The following PLA2G4E variants were observed in gnomAD, a reference collection of about 807,000 sequenced individuals.
PLA2G4E encodes the protein phospholipase A2 group IVE.
Under a neutral mutation model 109.1 loss-of-function variants are expected in PLA2G4E, and 84 were observed. The ratio of observed to expected loss-of-function variants is 0.77; its 90% confidence interval spans 0.65 to 0.92. The LOEUF (loss-of-function observed/expected upper bound fraction) is 0.92. PLA2G4E is among the 40% of genes least tolerant of loss of function. PLA2G4E has a pLI of 0.00. For synonymous variants in PLA2G4E, 469 were observed against 436.1 expected (o/e 1.08, Z -0.94); for missense variants, 1,057 against 1,076.6 (o/e 0.98, Z 0.25).
At chr15:42,007,992 G>T in intron 2 of PLA2G4E, 127 bp from the exon 3 acceptor site, 3 of 1,066,376 alleles carry the variant, frequency 2.8e-6, no homozygotes, top group Non-Finnish European at 1.3e-6. Context: ...CCTCATTCAT[G>T]GGTCTAACTT....
intron 1 of PLA2G4E, among the ~76,000 whole-genome samples, chr15:42,041,585 C>T (rs959137745): frequency 1.3e-5 from 2 of 152,124 alleles, no homozygotes; most frequent in Admixed American, 6.6e-5. Flanking sequence ...CCAGGAGACC[C>T]ATTGAAGTCA....
At chr15:41,995,404 G>A (rs541307711) in exon 12 of PLA2G4E, 2 of 1,613,712 alleles carry the variant, frequency 1.2e-6, no homozygotes, top group East Asian at 2.2e-5. Context: ...CACAGTCCAG[G>A]AGGTTCAGCT....
intron 1 of PLA2G4E, among the ~76,000 whole-genome samples, chr15:42,023,231 G>A (rs184541369): frequency 6.6e-6 from 1 of 151,908 alleles, no homozygotes; most frequent in African/African-American, 2.4e-5. Flanking sequence ...AGGCCCCTCT[G>A]CTCTCTGGAG....
At chr15:42,049,432 T>A (rs928995028) in intron 1 of PLA2G4E, among the ~76,000 whole-genome samples, 3 of 152,164 alleles carry the variant, frequency 2.0e-5, no homozygotes, top group African/African-American at 7.2e-5. Context: ...ACTGTTGCAT[T>A]GGGGATTAAG....
chr15:42,030,672 G>A (rs1889097464), intron 1 of PLA2G4E, among the ~76,000 whole-genome samples: 1 of 152,224 alleles, frequency 6.6e-6, no homozygotes, highest in African/African-American at 2.4e-5. Flanking sequence ...ACAGAGTCCT[G>A]CTCCATCTGT....
At chr15:41,987,926 C>T (rs539898399) in intron 16 of PLA2G4E, 123 bp downstream of exon 16, 172 of 581,186 alleles carry the variant, frequency 3.0e-4, no homozygotes, top group African/African-American at 2.5e-3. Flanking sequence ...GAGGGAAAGC[C>T]GGGGGCCGCC....
intron 5 of PLA2G4E, among the ~76,000 whole-genome samples, chr15:42,003,277 GAGA>G (rs2068439720): frequency 6.6e-6 from 1 of 152,170 alleles, no homozygotes; most frequent in South Asian, 2.1e-4. Context: ...TGTTGTTGTT[GAGA>G]AGGAGTCTCG....
intron 7 of PLA2G4E, 146 bp downstream of exon 7, chr15:42,001,011 G>A: frequency 1.3e-6 from 1 of 763,226 alleles, no homozygotes; most frequent in Non-Finnish European, 2.2e-6. Flanking sequence ...GACCCCTGGG[G>A]GTGAGATGAT....
intron 1 of PLA2G4E, among the ~76,000 whole-genome samples, 122 bp from the exon 1 acceptor site, chr15:42,021,164 A>T (rs1443708460): frequency 6.6e-6 from 1 of 151,824 alleles, no homozygotes; most frequent in African/African-American, 2.4e-5. Context: ...GATAGGGTGC[A>T]TGGGCCTAGA....
intron 1 of PLA2G4E, among the ~76,000 whole-genome samples, chr15:42,014,428 C>T (rs906141088): frequency 3.3e-5 from 5 of 152,132 alleles, no homozygotes; most frequent in African/African-American, 4.8e-5. Context: ...GGTGTTCTCC[C>T]TCTCCTTTCT....
At chr15:42,007,021 TA>T (rs2068483810) in intron 3 of PLA2G4E, among the ~76,000 whole-genome samples, 1 of 152,186 alleles carries the variant, frequency 6.6e-6, no homozygotes, top group Non-Finnish European at 1.5e-5. Context: ...ATAATAAGTA[TA>T]AAGCCCTTCT....
At chr15:42,016,728 A>G (rs1209568217) in intron 1 of PLA2G4E, among the ~76,000 whole-genome samples, 1 of 152,204 alleles carries the variant, frequency 6.6e-6, no homozygotes, top group African/African-American at 2.4e-5. Flanking sequence ...CCTCTCCTGA[A>G]CAGCTGCCTT....
chr15:41,994,811 C>A (rs779781104), intron 12 of PLA2G4E, among the ~76,000 whole-genome samples: 3 of 152,164 alleles, frequency 2.0e-5, no homozygotes, highest in South Asian at 2.1e-4. Context: ...ATGAAATGAT[C>A]CTGATTTTAA....
chr15:42,021,184 A>G (rs1432374588), intron 1 of PLA2G4E, among the ~76,000 whole-genome samples, 142 bp from the exon 1 acceptor site: 1 of 151,804 alleles, frequency 6.6e-6, no homozygotes, highest in Non-Finnish European at 1.5e-5. Context: ...ATCTCTTCAT[A>G]TCAAAGAAAT....
chr15:42,014,531 G>A (rs2068569805), intron 1 of PLA2G4E, among the ~76,000 whole-genome samples: 1 of 152,154 alleles, frequency 6.6e-6, no homozygotes, highest in Non-Finnish European at 1.5e-5. Context: ...TGCTTGGGAG[G>A]CAGGCACAGT....
Position 41,989,530 on chromosome 15 carries a change from GT to G in PLA2G4E, c.1607del (p.Tyr536SerfsTer27). The G allele has an allele frequency of 6.2e-7, 1 of 1,613,708 alleles. No individual in the cohort carries two copies. The highest frequency in any genetic ancestry group is 8.5e-7 in the Non-Finnish European group (1 of 1,179,744). ...CCCCATACTTCTGCAGGCCCACCTC[GT>G]AGGGGGAGAACTCGAACCACTCTGC... On this transcript the variant is annotated frameshift_variant, in exon 15 of 20. Coordinates refer to ENST00000399518, the Ensembl canonical transcript of PLA2G4E. LOFTEE classifies it high-confidence loss of function.
exon 1 of PLA2G4E, chr15:42,050,699 C>T (rs1889491875): frequency 1.3e-6 from 2 of 1,549,814 alleles, no homozygotes; most frequent in Non-Finnish European, 1.7e-6. Context: ...GGCCTGGAGA[C>T]TCATCCCAGC....
chr15:42,004,418 AAGGC>A (rs10672361), intron 5 of PLA2G4E, among the ~76,000 whole-genome samples: 3 of 150,964 alleles, frequency 2.0e-5, no homozygotes, highest in Non-Finnish European at 3.0e-5. Flanking sequence ...AGAAGGAAGG[AAGGC>A]AGGCAGGCAA....
At chr15:42,011,073 A>T (rs2068530884) in intron 2 of PLA2G4E, among the ~76,000 whole-genome samples, 1 of 152,252 alleles carries the variant, frequency 6.6e-6, no homozygotes, top group South Asian at 2.1e-4. Flanking sequence ...TCCAGACCAG[A>T]CATGACTGGG....
Sources: allele counts gnomAD v4.1 joint callset (sites outside exome capture counted in the v4.1 genomes callset), GRCh38; gene constraint gnomAD v4.1.1; transcripts MANE v1.5; gene names NCBI Gene and HGNC (gene_info 2026-07-23, HGNC 2026-07-21).